PLEKHH1: variants seen among roughly 807,000 people sequenced by gnomAD.
The protein encoded by PLEKHH1 is pleckstrin homology, MyTH4 and FERM domain containing H1, also known as pleckstrin homology domain-containing family H member 1.
PLEKHH1 carries 104 observed loss-of-function variants against 160.0 expected under a neutral mutation model. That is an observed-to-expected ratio of 0.65 (90% CI 0.55 to 0.76). PLEKHH1 has a LOEUF of 0.76. Among genes scored for constraint, PLEKHH1 ranks in the 30% least tolerant of loss-of-function variants. The probability of loss-of-function intolerance (pLI) is 0.00; values close to 1 mark genes in which losing one functional copy is unlikely to be tolerated. For synonymous variants in PLEKHH1, 619 were observed against 678.4 expected (o/e 0.91, Z 1.36); for missense variants, 1,427 against 1,724.1 (o/e 0.83, Z 3.05).
chr14:67,586,490 C>A, intron 28 of PLEKHH1: 2 of 1,062,068 alleles, frequency 1.9e-6, no homozygotes, highest in Non-Finnish European at 1.3e-6. Flanking sequence ...TCTGCTGACC[C>A]AACATTAGCT....
intron 2 of PLEKHH1, among the ~76,000 whole-genome samples, chr14:67,549,316 G>T (rs1287629180): frequency 6.6e-6 from 1 of 151,578 alleles, no homozygotes; most frequent in South Asian, 2.1e-4. Flanking sequence ...TGTCACCTAG[G>T]CTGGAGTGCA....
In PLEKHH1 at chr14:67,586,113, G is replaced by A. The variant is rs1457010661; in HGVS notation, c.3933+16G>A. The A allele has an allele frequency of 1.2e-6, 2 of 1,613,220 alleles. No homozygotes were observed. ...TGCTCCCAAGGTAGGTCTGACAGCT[G>A]TTAAAACGTTCTACTCTGGCAAGAT... is the stretch of plus-strand genomic sequence containing the variant. On this transcript the variant is annotated intron_variant, in intron 28 of 28. Coordinates refer to ENST00000329153, the MANE Select transcript of PLEKHH1 (RefSeq NM_020715.3).
chr14:67,575,936 C>T lies in PLEKHH1; in HGVS notation c.2283C>T (p.His761=). 1 of 1,614,010 alleles carries T rather than the reference C, an allele frequency of 6.2e-7. No homozygotes were observed. The highest frequency in any genetic ancestry group is 8.5e-7 in the Non-Finnish European group (1 of 1,179,856). The change falls in exon 16 of 29, where the codon CAC becomes CAT. Residue 761 remains histidine (H), a synonymous_variant. Transcript: ENST00000329153. ...GAACCAGACGGTTGCTTTCCTCCCACTGCACCCTGGTGATCCACCCCACAG... is the reference window on the plus strand; with the variant it reads ...GAACCAGACGGTTGCTTTCCTCCCATTGCACCCTGGTGATCCACCCCACAG... ...AGGTRRLLSS[H]CTLVIHPTEH...
At chr14:67,536,867 C>A (rs2033739690) in intron 1 of PLEKHH1, among the ~76,000 whole-genome samples, 1 of 151,638 alleles carries the variant, frequency 6.6e-6, no homozygotes, top group Non-Finnish European at 1.5e-5. Flanking sequence ...ATGGTGAAAC[C>A]CTGTCTCTAC....
rs1388812583 is a variant in PLEKHH1, at chr14:67,583,772, T to C, written c.3458T>C (p.Leu1153Pro). ...TATGGGGACTTGGAGAAGCCTGCCC[T>C]GCCAGGCCCTGGAGGCACATCCCCT... ...VEYGDLEKPA[L>P]PGPGGTSPAK... Residue 1153 changes from leucine (L) to proline (P), a missense_variant, in exon 25 of 29, where the codon CTG becomes CCG. By Grantham distance (98) the Leu-to-Pro change is moderately conservative. This residue lies in a region of PLEKHH1 where 436 missense variants were observed against 607.5 expected (regional missense o/e 0.72). Coordinates refer to ENST00000329153, the MANE Select transcript of PLEKHH1 (RefSeq NM_020715.3). 2 of 1,612,226 alleles carry C rather than the reference T, an allele frequency of 1.2e-6. No individual in the cohort carries two copies. Among genetic ancestry groups the C allele is most frequent in the Non-Finnish European group, 1.7e-6 (2 of 1,179,098 alleles).
chr14:67,586,830 T>C (rs760694001), intron 28 of PLEKHH1: 4 of 1,478,394 alleles, frequency 2.7e-6, no homozygotes, highest in South Asian at 2.4e-5. Flanking sequence ...AGCAGAACAC[T>C]GGGCCTCCTT....
Position 67,582,299 on chromosome 14 carries a change from G to T in PLEKHH1, c.3426+89G>T. On this transcript the variant is annotated intron_variant, in intron 24 of 28. Transcript: ENST00000329153. This position sits in a 1 kb window ranked among gnomAD's most constrained non-coding sequence, Gnocchi z 5.0. ...CCTGAAACACAGGAGAGATTCTGCA[G>T]ATCCTGTGGTGCTCAGGAGAGGGCA... 2 of 1,595,270 alleles carry T rather than the reference G, an allele frequency of 1.3e-6. No individual in the cohort carries two copies. The highest frequency in any genetic ancestry group is 1.7e-6 in the Non-Finnish European group (2 of 1,171,158).
Position 67,580,084 on chromosome 14 carries a change from A to G in PLEKHH1, c.3183+208A>G, listed in dbSNP as rs574495828. The G allele has an allele frequency of 1.8e-4, 101 of 550,862 alleles. 1 individual carries two copies. The South Asian group carries it at 2.2e-3, about 12-fold the overall frequency. The allele number at this position is 550,862 out of a possible 1,614,324, so 34.1% of individuals were successfully genotyped here. A position where few individuals can be genotyped will look rare whatever the true frequency, so the allele number is the denominator to read the frequency against. ...GTTGTGTGCCCTTGTCTCTGGAGACAAGATCGCTACACACCTACTTCCCTC... is the reference window on the plus strand; with the variant it reads ...GTTGTGTGCCCTTGTCTCTGGAGACGAGATCGCTACACACCTACTTCCCTC... On this transcript the variant is annotated intron_variant, in intron 22 of 28. Coordinates refer to ENST00000329153, the MANE Select transcript of PLEKHH1 (RefSeq NM_020715.3).
At chr14:67,561,092 A>G (rs12589605) in intron 5 of PLEKHH1, among the ~76,000 whole-genome samples, 34,166 of 152,050 alleles carry the variant, frequency 0.22, 4,256 homozygotes, top group East Asian at 0.47. Flanking sequence ...GGAGGGTATC[A>G]GCTCATTTGG....
At position 67,534,832 on chromosome 14, in the gene PLEKHH1, C is replaced by T. The variant is rs78473384; in HGVS notation, c.-35+1434C>T. On this transcript the variant is annotated intron_variant, in intron 1 of 28. Transcript: ENST00000329153. ...GAAATGTCTGGCAATTTAAAGTGTA[C>T]ATCATTTACCCCTAAATTCCATTTT... 4.0e-3 allele frequency among the ~76,000 whole-genome samples: 606 copies of T among 152,054 alleles called. 1 individual carries two copies. The highest frequency in any genetic ancestry group is 0.014 in the African/African-American group (573 of 41,466).
At chr14:67,555,972 C>T in intron 3 of PLEKHH1, 85 bp downstream of exon 3, 2 of 1,518,590 alleles carry the variant, frequency 1.3e-6, no homozygotes, top group Non-Finnish European at 1.8e-6. Context: ...CAGGTGGACA[C>T]ATACATCACC....
intron 3 of PLEKHH1, among the ~76,000 whole-genome samples, chr14:67,556,609 G>A (rs182619458): frequency 1.6e-4 from 24 of 152,306 alleles, no homozygotes; most frequent in Admixed American, 4.6e-4. Flanking sequence ...TAAGCCCAGC[G>A]GGGTGTGACG....
intron 9 of PLEKHH1, 126 bp from the exon 10 acceptor site, chr14:67,571,626 T>C: frequency 2.3e-6 from 2 of 859,608 alleles, no homozygotes; most frequent in Non-Finnish European, 3.8e-6. Flanking sequence ...TGGACAGTTG[T>C]CTGTTCAGAG....
At chr14:67,555,020 C>T (rs892785534) in intron 2 of PLEKHH1, among the ~76,000 whole-genome samples, 4 of 152,096 alleles carry the variant, frequency 2.6e-5, no homozygotes, top group Non-Finnish European at 2.9e-5. Flanking sequence ...TCAAGTGATC[C>T]GCCTGCCTCA....
At position 67,562,471 on chromosome 14, in the gene PLEKHH1, T is replaced by C; in HGVS notation, c.840T>C (p.Ala280=). 1.2e-6 allele frequency: 2 copies of C among 1,613,752 alleles called. No homozygotes were observed. Among genetic ancestry groups the C allele is most frequent in the Non-Finnish European group, 1.7e-6 (2 of 1,179,682 alleles). The change falls in exon 7 of 29, where the codon GCT becomes GCC. Residue 280 remains alanine (A), a synonymous_variant. Transcript: ENST00000329153. The part of the protein sequence containing the change: ...MKLLTFRCSS[A]SWGEGLVTAQ... ...TTCTTACCTTCAGATGTAGTTCAGC[T>C]TCCTGGGGTGAGGGTCTGGTTACTG... is the stretch of plus-strand genomic sequence containing the variant.
Position 67,541,898 on chromosome 14 carries a change from AGC to A in PLEKHH1, c.33_34del (p.Val12ArgfsTer29). Reference protein sequence around the residue: MAELKVEAPASVDWQKRCLTL... With the variant: MAELKVEAPAXVDWQKRCLTL... The stretch of plus-strand genomic sequence containing the variant: ...AGAACTCAAGGTGGAGGCGCCGGCC[AGC>A]GTAGACTGGCAGAAACGCTGCCTGA... On this transcript the variant is annotated frameshift_variant, in exon 2 of 29. Coordinates refer to ENST00000329153, the MANE Select transcript of PLEKHH1 (RefSeq NM_020715.3). LOFTEE classifies it high-confidence loss of function. 1.9e-6 allele frequency: 3 copies of A among 1,603,782 alleles called. No homozygotes were observed. In the South Asian group the frequency reaches 3.4e-5, roughly 18 times the overall value.
At position 67,582,906 on chromosome 14, in the gene PLEKHH1, T is replaced by C. The variant is rs2035971595; in HGVS notation, c.3426+696T>C. Among the ~76,000 whole-genome samples, 1 of 152,176 alleles carries C rather than the reference T, an allele frequency of 6.6e-6. No individual in the cohort carries two copies. Among genetic ancestry groups the C allele is most frequent in the South Asian group, 2.1e-4 (1 of 4,832 alleles). On this transcript the variant is annotated intron_variant, in intron 24 of 28. Transcript: ENST00000329153. The surrounding 1 kb of genome is among the most constrained non-coding windows in gnomAD (Gnocchi z 5.0). ...CTCCACAGGGTTGTACTAAGTATGA[T>C]ACCTGGATAATTGTATCATGTAATG...
At chr14:67,557,887 T>C (rs551007684) in intron 4 of PLEKHH1, among the ~76,000 whole-genome samples, 1 of 152,348 alleles carries the variant, frequency 6.6e-6, no homozygotes, top group East Asian at 1.9e-4. Flanking sequence ...AGATACTTGA[T>C]ACTTGGCTGT....
rs1040309120 is a variant in PLEKHH1, at chr14:67,588,576, A to T, written c.*1341A>T. ...TCTGATTGAGTGCAGAGGAGACTAG[A>T]CAGTCTCCTCTAGACAGGTTGTAGA... On this transcript the variant is annotated 3_prime_UTR_variant, in exon 29 of 29. Coordinates refer to ENST00000329153, the MANE Select transcript of PLEKHH1 (RefSeq NM_020715.3). 6.6e-6 allele frequency: 1 copy of T among 152,102 alleles called. No homozygotes were observed. Among genetic ancestry groups the T allele is most frequent in the African/African-American group, 2.4e-5 (1 of 41,386 alleles). The allele number at this position is 152,102 out of a possible 1,614,324, so 9.4% of individuals were successfully genotyped here.
Sources: gnomAD v4.1 joint callset for allele counts (sites outside exome capture counted in the v4.1 genomes callset) on GRCh38, gnomAD v4.1.1 for gene constraint, gnomAD v4.1.1 regional missense constraint, Gnocchi (gnomAD v3.1) non-coding constraint, MANE v1.5 for transcripts, NCBI Gene and HGNC (gene_info 2026-07-23, HGNC 2026-07-21) for gene names.